PLXND1: variants seen among roughly 807,000 people sequenced by gnomAD.
The protein encoded by PLXND1 is plexin-D1.
A neutral mutation model predicts 197.7 loss-of-function variants in PLXND1; 54 were observed. The observed-to-expected ratio is 0.27, with a 90% CI of 0.22 to 0.34. The LOEUF is 0.34. Ranked by LOEUF, PLXND1 falls within the 10% of genes least tolerant of loss-of-function variation. The pLI is 1.00. For synonymous variants in PLXND1, 1,180 were observed against 1,161.2 expected (o/e 1.02, Z -0.33); for missense variants, 2,127 against 2,699.2 (o/e 0.79, Z 4.70).
In PLXND1 at chr3:129,577,913, G is replaced by T. The variant is rs73863641; in HGVS notation, c.2346+416C>A. On this transcript the variant is annotated intron_variant, in intron 9 of 35. Coordinates refer to ENST00000324093, the MANE Select transcript of PLXND1 (RefSeq NM_015103.3). The surrounding 1 kb of genome is among the most constrained non-coding windows in gnomAD (Gnocchi z 5.0). ...GGCCAAGGGGTTCTCTGGTCATTCT[G>T]CAGGGAAGACATGGAAGCCACCCAC... 0.087 allele frequency among the ~76,000 whole-genome samples: 13,272 copies of T among 152,286 alleles called. 1,007 individuals carry two copies. The highest frequency in any genetic ancestry group is 0.2 in the African/African-American group (8,357 of 41,534).
At chr3:129,569,196 T>C (rs2085185938) in intron 20 of PLXND1, 1 of 152,434 alleles carries the variant, frequency 6.6e-6, no homozygotes, top group Non-Finnish European at 1.5e-5. Context: ...TATTCATTTA[T>C]TGGTTGATGG....
chr3:129,571,837 CTG>C lies in PLXND1; in HGVS notation c.3083_3084del (p.Thr1028ArgfsTer10). ...GGCATGGTGCAGGCGATGCTGGTAT[CTG>C]TGCGCCTGGGGGGAGCAGCAGGTTA... is the stretch of plus-strand genomic sequence containing the variant. ...DTDPCTELMR[T>X]DTSIACTMPE... On this transcript the variant is annotated frameshift_variant, in exon 16 of 36. Coordinates refer to ENST00000324093, the MANE Select transcript of PLXND1 (RefSeq NM_015103.3). LOFTEE classifies it high-confidence loss of function. The C allele has an allele frequency of 1.2e-6, 2 of 1,611,112 alleles. No homozygotes were observed. Among genetic ancestry groups the C allele is most frequent in the Non-Finnish European group, 1.7e-6 (2 of 1,179,016 alleles).
chr3:129,555,362 C>T lies in PLXND1; in HGVS notation c.*950G>A, dbSNP rs1266839339. 5.0e-6 allele frequency: 3 copies of T among 601,790 alleles called. No homozygotes were observed. The highest frequency in any genetic ancestry group is 8.7e-6 in the Non-Finnish European group (3 of 343,668). The allele number at this position is 601,790 out of a possible 1,614,324, so 37.3% of individuals were successfully genotyped here. A position where few individuals can be genotyped will look rare whatever the true frequency, so the allele number is the denominator to read the frequency against. ...GCCCATCGGCCACAGAGGGTCGTTT[C>T]TGGCAGGAACGGAGTGGGTGGTAGT... On this transcript the variant is annotated 3_prime_UTR_variant, in exon 36 of 36. Coordinates refer to ENST00000324093, the MANE Select transcript of PLXND1 (RefSeq NM_015103.3).
In PLXND1 at chr3:129,561,916, G is replaced by C. The variant is rs926379900; in HGVS notation, c.4826-13C>G. On this transcript the variant is annotated splice_polypyrimidine_tract_variant and intron_variant, in intron 27 of 35. Coordinates refer to ENST00000324093, the MANE Select transcript of PLXND1 (RefSeq NM_015103.3). ...GAGGCGAACCACTCTGGGGGACAAG[G>C]GACAGGCCATCAGGGTCCGGGCAGG... is the stretch of plus-strand genomic sequence containing the variant. 6.3e-7 allele frequency: 1 copy of C among 1,598,124 alleles called. No individual in the cohort carries two copies. The highest frequency in any genetic ancestry group is 2.2e-5 in the East Asian group (1 of 44,792).
chr3:129,593,004 C>T (rs952192813), intron 1 of PLXND1, among the ~76,000 whole-genome samples: 2 of 152,166 alleles, frequency 1.3e-5, no homozygotes, highest in Non-Finnish European at 2.9e-5. Context: ...ACCCCCTGAC[C>T]CCAGCACCGT....
At chr3:129,563,062 G>GC in intron 26 of PLXND1, 32 bp downstream of exon 26, 1 of 1,612,764 alleles carries the variant, frequency 6.2e-7, no homozygotes, top group South Asian at 1.1e-5. Context: ...CGACACAGCA[G>GC]CCCTGGGACC....
chr3:129,589,585 C>G, intron 1 of PLXND1, 58 bp from the exon 2 acceptor site: 2 of 1,396,688 alleles, frequency 1.4e-6, no homozygotes, highest in Non-Finnish European at 1.9e-6. Flanking sequence ...GCTCCCCGCC[C>G]GCACAGCTGG....
chr3:129,587,445 G>A (rs1032780237), intron 2 of PLXND1, among the ~76,000 whole-genome samples: 8 of 152,198 alleles, frequency 5.3e-5, no homozygotes, highest in South Asian at 2.1e-4. Context: ...GACCCTCTGC[G>A]TGTCCTCCTG....
rs1206442677 is a variant in PLXND1, at chr3:129,605,649, C to A, written c.991G>T (p.Ala331Ser). 24 of 1,536,544 alleles carry A rather than the reference C, an allele frequency of 1.6e-5. No individual in the cohort carries two copies. The South Asian group carries it at 1.7e-4, about 11-fold the overall frequency. ...ICLPHGAGGD[A>S]KKLTESYIQL... ...ATGTAGGACTCGGTGAGCTTCTTGG[C>A]GTCGCCGCCGGCGCCGTGGGGCAGG... Residue 331 changes from alanine to serine, a missense_variant, in exon 1 of 36, where the codon GCC becomes TCC. By Grantham distance (99) the Ala-to-Ser change is moderately conservative. Around this residue, in one of 6 missense-constraint regions of PLXND1, gnomAD observed 1,095 missense variants for 1,259.8 expected, o/e 0.87. Coordinates refer to ENST00000324093, the MANE Select transcript of PLXND1 (RefSeq NM_015103.3).
In PLXND1 at chr3:129,605,943, C is replaced by T; in HGVS notation, c.697G>A (p.Glu233Lys). The change falls in exon 1 of 36, where the codon GAG (glutamate) becomes AAG (lysine). Residue 233 changes from glutamate (E) to lysine (K), a missense_variant. This residue lies in a region of PLXND1 where 1,095 missense variants were observed against 1,259.8 expected (regional missense o/e 0.87). Coordinates refer to ENST00000324093, the MANE Select transcript of PLXND1 (RefSeq NM_015103.3). ...CGGATGGCGATCTCGGGCGTGTTCTCGAAGCGGTGGTCCTCCAGGCTGCGG... is the reference window on the plus strand; with the variant it reads ...CGGATGGCGATCTCGGGCGTGTTCTTGAAGCGGTGGTCCTCCAGGCTGCGG... ...RNRSLEDHRF[E>K]NTPEIAIRSL... 1 of 1,613,146 alleles carries T rather than the reference C, an allele frequency of 6.2e-7. No homozygotes were observed. The highest frequency in any genetic ancestry group is 8.5e-7 in the Non-Finnish European group (1 of 1,179,856).
intron 1 of PLXND1, 141 bp from the exon 2 acceptor site, chr3:129,589,668 G>C (rs1578349939): frequency 2.8e-6 from 2 of 723,424 alleles, no homozygotes; most frequent in East Asian, 2.8e-5. Flanking sequence ...CTCAGCTGAG[G>C]CCCAAACACA....
chr3:129,588,416 G>C (rs1214044971), intron 2 of PLXND1, among the ~76,000 whole-genome samples: 1 of 150,252 alleles, frequency 6.7e-6, no homozygotes, highest in Non-Finnish European at 1.5e-5. Flanking sequence ...GCTCGCAGGG[G>C]AGAAGAAACT....
In PLXND1 at chr3:129,562,829, C is replaced by T. The variant is rs1402998210; in HGVS notation, c.4783G>A (p.Val1595Met). Residue 1595 changes from valine to methionine, a missense_variant, in exon 27 of 36, where the codon GTG becomes ATG. Coordinates refer to ENST00000324093, the MANE Select transcript of PLXND1 (RefSeq NM_015103.3). Reference protein sequence around the residue: ...EKILEAFCKNVPYSQWPRAED... With the variant: ...EKILEAFCKNMPYSQWPRAED... ...GCACGCGGCCACTGGGAGTAGGGCA[C>T]ATTCTTGCAGAAGGCCTCCAGGATC... 6.2e-7 allele frequency: 1 copy of T among 1,611,346 alleles called. No homozygotes were observed. Among genetic ancestry groups the T allele is most frequent in the Non-Finnish European group, 8.5e-7 (1 of 1,177,796 alleles).
At position 129,605,510 on chromosome 3, in the gene PLXND1, C is replaced by G. The variant is rs1357670294; in HGVS notation, c.1130G>C (p.Gly377Ala). ...CGGAGCAGCGCGGGCCGCGGGGGACCCCTGGGGCCGCTCGAAGACAGCAAA... is the reference window on the plus strand; with the variant it reads ...CGGAGCAGCGCGGGCCGCGGGGGACGCCTGGGGCCGCTCGAAGACAGCAAA... The part of the protein sequence containing the change: ...RLFAVFERPQ[G>A]SPAARAAPAA... The change falls in exon 1 of 36, where the codon GGG becomes GCG. Residue 377 changes from glycine to alanine, a missense_variant. This residue lies in a region of PLXND1 where 1,095 missense variants were observed against 1,259.8 expected (regional missense o/e 0.87). Transcript: ENST00000324093. The G allele has an allele frequency of 6.6e-7, 1 of 1,511,008 alleles. No individual in the cohort carries two copies. Among genetic ancestry groups the G allele is most frequent in the Admixed American group, 2.1e-5 (1 of 46,846 alleles). The allele number at this position is 1,511,008 out of a possible 1,614,324, so 93.6% of individuals were successfully genotyped here. A position where few individuals can be genotyped will look rare whatever the true frequency, so the allele number is the denominator to read the frequency against.
rs1199897786 is a variant in PLXND1 at position 129,558,019 on chromosome 3, C to T, written c.5445+409G>A. On this transcript the variant is annotated intron_variant, in intron 33 of 35. Coordinates refer to ENST00000324093, the MANE Select transcript of PLXND1 (RefSeq NM_015103.3). The surrounding 1 kb of genome is among the most constrained non-coding windows in gnomAD (Gnocchi z 4.1). ...TAGCCACCCATCACCCCTCTGCCCACCCCTTCACTGAATGCTCGCTTGAAT... is the reference window on the plus strand; with the variant it reads ...TAGCCACCCATCACCCCTCTGCCCATCCCTTCACTGAATGCTCGCTTGAAT... Among the ~76,000 whole-genome samples the T allele has an allele frequency of 6.6e-6, 1 of 152,230 alleles. No individual in the cohort carries two copies. Among genetic ancestry groups the T allele is most frequent in the East Asian group, 1.9e-4 (1 of 5,192 alleles).
intron 2 of PLXND1, among the ~76,000 whole-genome samples, chr3:129,588,569 G>A (rs1467688801): frequency 2.0e-5 from 3 of 152,346 alleles, no homozygotes; most frequent in East Asian, 1.9e-4. Context: ...CACTCCCCAC[G>A]CCCACCCAGC....
At chr3:129,588,656 A>C (rs1376161280) in intron 2 of PLXND1, among the ~76,000 whole-genome samples, 1 of 152,266 alleles carries the variant, frequency 6.6e-6, no homozygotes, top group Non-Finnish European at 1.5e-5. Context: ...GGCCTGGTGC[A>C]TGAATAGAGT....
Position 129,605,627 on chromosome 3 carries a change from T to G in PLXND1, c.1013A>C (p.Tyr338Ser). The change falls in exon 1 of 36, where the codon TAC becomes TCC. Residue 338 changes from tyrosine (Y) to serine (S), a missense_variant. Transcript: ENST00000324093. ...GGDAKKLTESYIQLGLQCAGG... is the reference protein window; with the variant it reads ...GGDAKKLTESSIQLGLQCAGG... ...CGCGCACTGCAAGCCCAACTGGATG[T>G]AGGACTCGGTGAGCTTCTTGGCGTC... The G allele has an allele frequency of 1.3e-6, 2 of 1,537,562 alleles. No individual in the cohort carries two copies. Among genetic ancestry groups the G allele is most frequent in the Non-Finnish European group, 1.7e-6 (2 of 1,145,548 alleles).
chr3:129,589,667 G>A (rs2085510021), intron 1 of PLXND1, 140 bp from the exon 2 acceptor site: 1 of 728,340 alleles, frequency 1.4e-6, no homozygotes, highest in Non-Finnish European at 2.2e-6. Flanking sequence ...GCTCAGCTGA[G>A]GCCCAAACAC....
Sources: allele counts gnomAD v4.1 joint callset (sites outside exome capture counted in the v4.1 genomes callset), GRCh38; gene constraint gnomAD v4.1.1; regional missense constraint gnomAD v4.1.1; non-coding constraint Gnocchi (gnomAD v3.1); transcripts MANE v1.5; gene names NCBI Gene and HGNC (gene_info 2026-07-23, HGNC 2026-07-21).